The following TTC28 variants were observed in gnomAD, a reference collection of about 807,000 sequenced individuals.
TTC28 encodes the protein tetratricopeptide repeat protein 28.
A neutral mutation model predicts 198.0 loss-of-function variants in TTC28; 61 were observed. That is an observed-to-expected ratio of 0.31 (90% CI 0.25 to 0.38). TTC28 has a LOEUF of 0.38. Among genes scored for constraint, TTC28 ranks in the 10% least tolerant of loss-of-function variants. TTC28 has a pLI of 1.00. For synonymous variants in TTC28, 1,171 were observed against 1,297.8 expected, an observed-to-expected ratio of 0.90 and a Z score of 2.10; for missense variants, 2,678 against 3,164.0, an observed-to-expected ratio of 0.85 and a Z score of 3.69.
At chr22:28,365,330 C>T (rs569875059) in intron 2 of TTC28, among the ~76,000 whole-genome samples, 56 of 152,286 alleles carry the variant, frequency 3.7e-4, no homozygotes, top group Admixed American at 9.8e-4. Flanking sequence ...TCATGACTTG[C>T]TTTATTGCAG....
chr22:28,661,744 G>A (rs1445001819), intron 1 of TTC28, among the ~76,000 whole-genome samples: 1 of 152,030 alleles, frequency 6.6e-6, no homozygotes, highest in Non-Finnish European at 1.5e-5. Flanking sequence ...AAGTAGCTGG[G>A]ATTACAAGGG....
At chr22:28,198,272 A>G (rs891611219) in intron 5 of TTC28, among the ~76,000 whole-genome samples, 4 of 152,204 alleles carry the variant, frequency 2.6e-5, no homozygotes, top group African/African-American at 9.6e-5. Context: ...AGATGCCAGC[A>G]ACACACCCCC....
intron 21 of TTC28, among the ~76,000 whole-genome samples, chr22:27,988,856 T>C (rs1280322851): frequency 6.6e-6 from 1 of 152,164 alleles, no homozygotes; most frequent in Non-Finnish European, 1.5e-5. Flanking sequence ...ACCCATCTGC[T>C]TCTGCCTGCC....
intron 2 of TTC28, among the ~76,000 whole-genome samples, chr22:28,316,857 C>G (rs1421977934): frequency 6.6e-6 from 1 of 152,124 alleles, no homozygotes; most frequent in Non-Finnish European, 1.5e-5. Flanking sequence ...GCTTTGAACC[C>G]CTGAGTGCAA....
chr22:28,487,804 C>T (rs1172638345), intron 2 of TTC28, among the ~76,000 whole-genome samples: 1 of 152,058 alleles, frequency 6.6e-6, no homozygotes, highest in South Asian at 2.1e-4. Flanking sequence ...AAGCCAAGTC[C>T]TCATTTTTGG....
At chr22:28,344,910 ATGT>A (rs1313893814) in intron 2 of TTC28, among the ~76,000 whole-genome samples, 1 of 152,180 alleles carries the variant, frequency 6.6e-6, no homozygotes, top group Non-Finnish European at 1.5e-5. Context: ...ACATAAATTA[ATGT>A]TCTCAGCCAC....
intron 2 of TTC28, among the ~76,000 whole-genome samples, chr22:28,393,833 A>G (rs1484195994): frequency 6.6e-6 from 1 of 152,210 alleles, no homozygotes; most frequent in African/African-American, 2.4e-5. Context: ...CTTGGTTCTC[A>G]TCTTGGAACA....
intron 3 of TTC28, among the ~76,000 whole-genome samples, chr22:28,301,672 C>G (rs1473829788): frequency 6.6e-6 from 1 of 152,060 alleles, no homozygotes; most frequent in Non-Finnish European, 1.5e-5. Context: ...CTAAAGGGGC[C>G]TAAAAGAGCT....
chr22:28,181,666 T>A (rs1923712782), intron 5 of TTC28, among the ~76,000 whole-genome samples: 1 of 152,202 alleles, frequency 6.6e-6, no homozygotes, highest in African/African-American at 2.4e-5. Flanking sequence ...ATGGTGAGGC[T>A]GATGAAAACA....
chr22:28,387,479 A>G (rs2046629124), intron 2 of TTC28, among the ~76,000 whole-genome samples: 1 of 152,158 alleles, frequency 6.6e-6, no homozygotes, highest in African/African-American at 2.4e-5. Context: ...AAGTGTTCCT[A>G]CTTCTCCACA....
chr22:28,028,910 G>T (rs751763618), intron 13 of TTC28: 24 of 448,672 alleles, frequency 5.3e-5, no homozygotes, highest in Admixed American at 1.9e-4. Flanking sequence ...GAGGCTGACA[G>T]AGGTGAAACT....
At chr22:28,054,839 T>C (rs560831621) in intron 12 of TTC28, among the ~76,000 whole-genome samples, 32 of 152,354 alleles carry the variant, frequency 2.1e-4, no homozygotes, top group Non-Finnish European at 3.8e-4. Flanking sequence ...TACAAATCCT[T>C]TTCATCTAAC....
At chr22:28,465,048 A>G (rs1030705822) in intron 2 of TTC28, among the ~76,000 whole-genome samples, 2 of 152,196 alleles carry the variant, frequency 1.3e-5, no homozygotes, top group East Asian at 1.9e-4. Context: ...CTGTGTGTCC[A>G]GTGATCATAT....
At chr22:28,569,425 T>C (rs2050027826) in intron 2 of TTC28, among the ~76,000 whole-genome samples, 1 of 152,038 alleles carries the variant, frequency 6.6e-6, no homozygotes, top group South Asian at 2.1e-4. Flanking sequence ...CATCTGATCT[T>C]AGACAAAGAT....
At chr22:28,557,026 A>C (rs1416418981) in intron 2 of TTC28, among the ~76,000 whole-genome samples, 1 of 152,218 alleles carries the variant, frequency 6.6e-6, no homozygotes, top group East Asian at 1.9e-4. Context: ...CCTATTAGTT[A>C]TGAAATTCAG....
chr22:28,178,437 A>ATGG (rs1923383174), intron 5 of TTC28, among the ~76,000 whole-genome samples: 1 of 152,118 alleles, frequency 6.6e-6, no homozygotes, highest in South Asian at 2.1e-4. Context: ...ATTGCAAACC[A>ATGG]GCCTGGGCAA....
rs565180738 is a variant in TTC28 at position 28,463,781 on chromosome 22, G to A, written c.382-157138C>T. On this transcript the variant is annotated intron_variant, in intron 2 of 22. Transcript: ENST00000397906. ...CTGTTGTGGGGTAGGGGGAGGGGGAGGGATAGCATTGGGAGATATACCTAA... is the reference window on the plus strand; with the variant it reads ...CTGTTGTGGGGTAGGGGGAGGGGGAAGGATAGCATTGGGAGATATACCTAA... Among the ~76,000 whole-genome samples the A allele has an allele frequency of 2.6e-5, 4 of 152,178 alleles. No individual in the cohort carries two copies. In the East Asian group the frequency reaches 5.8e-4, roughly 22 times the overall value.
At chr22:28,368,980 G>A (rs188563743) in intron 2 of TTC28, among the ~76,000 whole-genome samples, 90 of 151,856 alleles carry the variant, frequency 5.9e-4, no homozygotes, top group Non-Finnish European at 9.9e-4. Flanking sequence ...AGGAATCTAC[G>A]GATTCAATGT....
chr22:28,125,176 A>C (rs1293204965), intron 6 of TTC28, among the ~76,000 whole-genome samples: 1 of 152,224 alleles, frequency 6.6e-6, no homozygotes, highest in Admixed American at 6.5e-5. Flanking sequence ...GGAGAATTGA[A>C]GTACAAAGAA....
Sources: allele counts gnomAD v4.1 joint callset (sites outside exome capture counted in the v4.1 genomes callset), GRCh38; gene constraint gnomAD v4.1.1; transcripts MANE v1.5; gene names NCBI Gene and HGNC (gene_info 2026-07-23, HGNC 2026-07-21).